Variants in EDIL3 observed in about 807,000 individuals in gnomAD.
The protein encoded by EDIL3 is EGF like and discoidin domains 3.
A neutral mutation model predicts 67.4 loss-of-function variants in EDIL3; 37 were observed. That is an observed-to-expected ratio of 0.55 (90% CI 0.42 to 0.72). The LOEUF (loss-of-function observed/expected upper bound fraction) is 0.72, where lower values mean the gene tolerates loss of function less well. EDIL3 is among the 30% of genes least tolerant of loss of function. The pLI, the probability that EDIL3 is intolerant of heterozygous loss-of-function variation, is 0.00. For synonymous variants in EDIL3, 195 were observed against 196.3 expected (o/e 0.99, Z 0.05); for missense variants, 527 against 586.3 (o/e 0.90, Z 1.04).
chr5:83,963,599 G>A (rs919307395), intron 9 of EDIL3, among the ~76,000 whole-genome samples: 14 of 150,524 alleles, frequency 9.3e-5, no homozygotes, highest in Non-Finnish European at 1.8e-4. Flanking sequence ...GTCAAATCAT[G>A]GTGATTTCAG....
At chr5:83,968,229 A>G (rs1319080347) in intron 9 of EDIL3, among the ~76,000 whole-genome samples, 3 of 152,052 alleles carry the variant, frequency 2.0e-5, no homozygotes, top group Non-Finnish European at 4.4e-5. Flanking sequence ...GTGATTAATA[A>G]TCTGAAATAT....
At chr5:84,206,960 G>A (rs1743994133) in intron 3 of EDIL3, among the ~76,000 whole-genome samples, 1 of 152,178 alleles carries the variant, frequency 6.6e-6, no homozygotes, top group African/African-American at 2.4e-5. Flanking sequence ...GCAAAAACTG[G>A]AAGCCTTCCC....
intron 9 of EDIL3, among the ~76,000 whole-genome samples, chr5:83,993,215 C>T (rs1213704309): frequency 2.0e-5 from 3 of 152,008 alleles, no homozygotes; most frequent in Non-Finnish European, 4.4e-5. Context: ...CTCTGTCATC[C>T]AGGATAGTGT....
intron 1 of EDIL3, among the ~76,000 whole-genome samples, chr5:84,381,101 A>G (rs1471960499): frequency 6.6e-6 from 1 of 152,134 alleles, no homozygotes; most frequent in African/African-American, 2.4e-5. Context: ...AAGAAGGAAA[A>G]ATAGACCATC....
intron 3 of EDIL3, among the ~76,000 whole-genome samples, chr5:84,224,026 TA>T (rs552626542): frequency 5.3e-5 from 8 of 151,030 alleles, no homozygotes; most frequent in African/African-American, 1.2e-4. Flanking sequence ...CTTGTAGTAT[TA>T]AAAAAAATGA....
intron 5 of EDIL3, among the ~76,000 whole-genome samples, chr5:84,134,526 C>T (rs1333148916): frequency 6.6e-6 from 1 of 152,144 alleles, no homozygotes; most frequent in East Asian, 1.9e-4. Flanking sequence ...CTGGTACCAC[C>T]TGTAACCTGT....
At chr5:84,379,380 A>C (rs2112222544) in intron 1 of EDIL3, among the ~76,000 whole-genome samples, 1 of 152,310 alleles carries the variant, frequency 6.6e-6, no homozygotes, top group Non-Finnish European at 1.5e-5. Flanking sequence ...TCTTTTGGCC[A>C]CATGACTTGT....
intron 10 of EDIL3, among the ~76,000 whole-genome samples, chr5:83,945,065 A>G (rs141215045): frequency 6.6e-6 from 1 of 152,150 alleles, no homozygotes; most frequent in Non-Finnish European, 1.5e-5. Flanking sequence ...ATTAGGCAGT[A>G]CGGCACTGAT....
chr5:84,312,646 C>T (rs1746431642), intron 1 of EDIL3, among the ~76,000 whole-genome samples: 1 of 151,894 alleles, frequency 6.6e-6, no homozygotes, highest in Non-Finnish European at 1.5e-5. Flanking sequence ...GGGCGGCTGG[C>T]CGGGCAGAGG....
chr5:84,173,933 C>T (rs577848836), intron 4 of EDIL3, among the ~76,000 whole-genome samples: 64 of 152,256 alleles, frequency 4.2e-4, no homozygotes, highest in African/African-American at 1.4e-3. Flanking sequence ...GCATGAAAGA[C>T]GCCATCTAAG....
intron 1 of EDIL3, among the ~76,000 whole-genome samples, chr5:84,360,299 A>C (rs946555735): frequency 3.0e-4 from 45 of 152,360 alleles, no homozygotes; most frequent in East Asian, 1.9e-4. Flanking sequence ...GTAATTCAGA[A>C]TCTAATTGCT....
At chr5:84,144,669 A>G (rs1250443200) in intron 4 of EDIL3, among the ~76,000 whole-genome samples, 1 of 152,112 alleles carries the variant, frequency 6.6e-6, no homozygotes, top group East Asian at 1.9e-4. Flanking sequence ...TTGTCTGCAG[A>G]TCTAAGAGTG....
chr5:84,015,898 T>G (rs1745596247), intron 9 of EDIL3, among the ~76,000 whole-genome samples: 1 of 152,182 alleles, frequency 6.6e-6, no homozygotes, highest in Non-Finnish European at 1.5e-5. Context: ...TTTTAAAAAC[T>G]TTTATTTCAG....
chr5:84,106,897 C>T (rs1351929982), intron 5 of EDIL3, 67 bp from the exon 6 acceptor site: 19 of 1,458,296 alleles, frequency 1.3e-5, no homozygotes, highest in East Asian at 1.2e-4. Context: ...TGTGTCTGTT[C>T]GATTTGATAG....
chr5:84,257,636 T>C (rs1048936004), intron 1 of EDIL3, among the ~76,000 whole-genome samples: 16 of 152,162 alleles, frequency 1.1e-4, no homozygotes, highest in African/African-American at 3.6e-4. Flanking sequence ...TAAGGAAATA[T>C]AGTAGATTCA....
chr5:84,132,615 TAC>T (rs1748012814), intron 5 of EDIL3, among the ~76,000 whole-genome samples: 2 of 119,980 alleles, frequency 1.7e-5, no homozygotes, highest in East Asian at 2.1e-4. Flanking sequence ...TATATAAATA[TAC>T]ACACAGTATA....
chr5:84,327,744 A>T (rs1276242968), intron 1 of EDIL3, among the ~76,000 whole-genome samples: 2 of 152,036 alleles, frequency 1.3e-5, no homozygotes, highest in Non-Finnish European at 2.9e-5. Flanking sequence ...GTTTGGAGCC[A>T]TACAAGTTAG....
At chr5:84,124,432 A>G (rs2112302019) in intron 5 of EDIL3, among the ~76,000 whole-genome samples, 1 of 152,006 alleles carries the variant, frequency 6.6e-6, no homozygotes, top group Non-Finnish European at 1.5e-5. Flanking sequence ...ATCAGAAAAC[A>G]TGTTTAAGAA....
intron 9 of EDIL3, among the ~76,000 whole-genome samples, chr5:84,005,798 A>T (rs1580275425): frequency 1.3e-5 from 2 of 152,196 alleles, no homozygotes; most frequent in Non-Finnish European, 2.9e-5. Context: ...ATTGAATTCA[A>T]CATATTATTG....
Sources: allele counts gnomAD v4.1 joint callset (sites outside exome capture counted in the v4.1 genomes callset), GRCh38; gene constraint gnomAD v4.1.1; transcripts MANE v1.5; gene names NCBI Gene and HGNC (gene_info 2026-07-23, HGNC 2026-07-21).